TJP1: variants seen among roughly 807,000 people sequenced by gnomAD.
TJP1 encodes the protein tight junction protein ZO-1.
Under a neutral mutation model 194.2 loss-of-function variants are expected in TJP1, and 43 were observed. That is an observed-to-expected ratio of 0.22 (90% confidence interval 0.17 to 0.29). The LOEUF is 0.29. Among genes scored for constraint, TJP1 ranks in the 10% least tolerant of loss-of-function variants. The pLI, the probability that TJP1 is intolerant of heterozygous loss-of-function variation, is 1.00. For synonymous variants in TJP1, 801 were observed against 779.0 expected (o/e 1.03, Z -0.47); for missense variants, 1,971 against 2,185.7 (o/e 0.90, Z 1.96).
intron 5 of TJP1, among the ~76,000 whole-genome samples, chr15:29,763,726 C>T (rs1246417100): frequency 6.8e-6 from 1 of 147,410 alleles, no homozygotes; most frequent in Non-Finnish European, 1.5e-5. Context: ...GAGATTGTGC[C>T]ACTGCACTCC....
intron 2 of TJP1, among the ~76,000 whole-genome samples, chr15:29,853,973 TCAC>T (rs938289771): frequency 6.6e-6 from 1 of 152,252 alleles, no homozygotes; most frequent in African/African-American, 2.4e-5. Flanking sequence ...TTTCACCGCA[TCAC>T]CACTAGATTT....
intron 2 of TJP1, among the ~76,000 whole-genome samples, chr15:29,884,642 T>G (rs934395428): frequency 6.6e-6 from 1 of 152,210 alleles, no homozygotes; most frequent in Non-Finnish European, 1.5e-5. Flanking sequence ...TACAGCAATA[T>G]TTTAGGCCTT....
At chr15:29,735,359 T>C (rs1442708272) in intron 11 of TJP1, among the ~76,000 whole-genome samples, 1 of 152,040 alleles carries the variant, frequency 6.6e-6, no homozygotes, top group South Asian at 2.1e-4. Flanking sequence ...GAGGCCAAAG[T>C]AGGTGGACTG....
intron 2 of TJP1, among the ~76,000 whole-genome samples, chr15:29,845,673 C>T (rs1208415150): frequency 6.6e-6 from 1 of 152,010 alleles, no homozygotes; most frequent in Non-Finnish European, 1.5e-5. Flanking sequence ...GGCGTGGTGG[C>T]AGGCGCCTGT....
At chr15:29,785,860 G>T (rs1216240188) in intron 2 of TJP1, among the ~76,000 whole-genome samples, 1 of 152,180 alleles carries the variant, frequency 6.6e-6, no homozygotes, top group Non-Finnish European at 1.5e-5. Context: ...CCTTCTTACA[G>T]CTGAAGTCAG....
intron 2 of TJP1, among the ~76,000 whole-genome samples, chr15:29,930,459 C>T (rs114752485): frequency 0.014 from 2,068 of 152,276 alleles, 53 homozygotes; most frequent in African/African-American, 0.047. Context: ...ATCACATTGA[C>T]AGACTAAAGG....
intron 2 of TJP1, among the ~76,000 whole-genome samples, chr15:29,869,634 GGCGACTTA>G (rs2052425150): frequency 8.6e-5 from 13 of 151,932 alleles, no homozygotes; most frequent in African/African-American, 2.4e-4. Context: ...TGACTGCTGA[GGCGACTTA>G]TCAGTCCCTT....
chr15:29,738,527 G>GTA (rs1239760004), intron 10 of TJP1, among the ~76,000 whole-genome samples: 1 of 152,050 alleles, frequency 6.6e-6, no homozygotes, highest in Non-Finnish European at 1.5e-5. Context: ...AGTCATAAAA[G>GTA]TAAGAGCCTG....
At chr15:29,864,107 T>C (rs1334550125) in intron 2 of TJP1, among the ~76,000 whole-genome samples, 1 of 151,898 alleles carries the variant, frequency 6.6e-6, no homozygotes, top group Non-Finnish European at 1.5e-5. Flanking sequence ...TAAAAAGTTG[T>C]ACCCGGCCGG....
At chr15:29,867,779 G>C (rs1305918479) in intron 2 of TJP1, among the ~76,000 whole-genome samples, 1 of 152,062 alleles carries the variant, frequency 6.6e-6, no homozygotes, top group African/African-American at 2.4e-5. Context: ...ATTAAGGCTG[G>C]ACGCAGTGGT....
upstream of TJP1, among the ~76,000 whole-genome samples, chr15:29,825,019 A>G (rs975671713): frequency 2.6e-5 from 4 of 152,168 alleles, no homozygotes; most frequent in African/African-American, 4.8e-5. Context: ...GGTATTTTTA[A>G]TATCTAAATT....
intron 13 of TJP1, 33 bp downstream of exon 13, chr15:29,733,061 T>G: frequency 6.3e-7 from 1 of 1,592,152 alleles, no homozygotes; most frequent in Non-Finnish European, 8.6e-7. Context: ...ATTTACTTGA[T>G]TCACTCTATG....
downstream of TJP1, chr15:29,699,450 G>A (rs548994613): frequency 6.6e-6 from 1 of 152,310 alleles, no homozygotes; most frequent in African/African-American, 2.4e-5. Context: ...GCTGGAAGAA[G>A]GGTTGAGTAT....
chr15:29,857,347 GA>G (rs532071870), intron 2 of TJP1, among the ~76,000 whole-genome samples: 8 of 144,316 alleles, frequency 5.5e-5, no homozygotes, highest in East Asian at 2.0e-4. Flanking sequence ...TTCCTGTTTA[GA>G]AAAAAAAAAT....
At chr15:29,916,013 G>T (rs1345141149) in intron 2 of TJP1, among the ~76,000 whole-genome samples, 1 of 152,092 alleles carries the variant, frequency 6.6e-6, no homozygotes, top group Non-Finnish European at 1.5e-5. Context: ...ACTAGGCCAA[G>T]GCGGGCGGAT....
intron 1 of TJP1, among the ~76,000 whole-genome samples, chr15:29,817,963 C>T (rs778214940): frequency 1.3e-5 from 2 of 151,654 alleles, no homozygotes; most frequent in Non-Finnish European, 2.9e-5. Flanking sequence ...ACACGTATAC[C>T]TATGTAACAA....
intron 23 of TJP1, among the ~76,000 whole-genome samples, chr15:29,712,189 CATTTTCATAA>C (rs1234288148): frequency 6.6e-6 from 1 of 152,188 alleles, no homozygotes; most frequent in Non-Finnish European, 1.5e-5. Context: ...TACTCCTGGT[CATTTTCATAA>C]ATTTTCATTG....
chr15:29,910,247 A>G (rs1033717520), intron 2 of TJP1, among the ~76,000 whole-genome samples: 1 of 152,260 alleles, frequency 6.6e-6, no homozygotes, highest in South Asian at 2.1e-4. Flanking sequence ...AAATAAATAC[A>G]GTACTTATTT....
intron 2 of TJP1, among the ~76,000 whole-genome samples, chr15:29,914,725 T>G (rs935093261): frequency 3.3e-5 from 5 of 152,010 alleles, no homozygotes; most frequent in African/African-American, 1.2e-4. Flanking sequence ...CATACCTCAA[T>G]TTATAGCAGA....
Sources: gnomAD v4.1 joint callset for allele counts (sites outside exome capture counted in the v4.1 genomes callset) on GRCh38, gnomAD v4.1.1 for gene constraint, MANE v1.5 for transcripts, NCBI Gene and HGNC (gene_info 2026-07-23, HGNC 2026-07-21) for gene names.